DTNA: variants seen among roughly 807,000 people sequenced by gnomAD.
DTNA encodes the protein dystrophin-related protein 3.
A neutral mutation model predicts 100.7 loss-of-function variants in DTNA; 43 were observed. The observed-to-expected ratio is 0.43, with a 90% CI of 0.33 to 0.55. The LOEUF (loss-of-function observed/expected upper bound fraction) is 0.55. Ranked by LOEUF, DTNA falls within the 20% of genes least tolerant of loss-of-function variation. DTNA has a pLI of 0.04. For synonymous variants in DTNA, 349 were observed against 347.9 expected, an observed-to-expected ratio of 1.00 and a Z score of -0.04; for missense variants, 798 against 953.9, an observed-to-expected ratio of 0.84 and a Z score of 2.15.
At chr18:34,616,496 C>T (rs980202354) in intron 1 of DTNA, among the ~76,000 whole-genome samples, 2 of 152,128 alleles carry the variant, frequency 1.3e-5, no homozygotes, top group African/African-American at 4.8e-5. Context: ...CTACTATCCA[C>T]ATCTGTACCA....
intron 17 of DTNA, chr18:34,867,566 T>C (rs1312858938): frequency 2.7e-6 from 3 of 1,097,392 alleles, no homozygotes; most frequent in East Asian, 1.1e-4. Flanking sequence ...CTGTCTCTTA[T>C]TTAGCATGTG....
At chr18:34,826,731 C>T (rs2095866952) in intron 9 of DTNA, among the ~76,000 whole-genome samples, 1 of 152,068 alleles carries the variant, frequency 6.6e-6, no homozygotes, top group African/African-American at 2.4e-5. Flanking sequence ...CTCTAAGTCC[C>T]ATCTCATATT....
intron 11 of DTNA, among the ~76,000 whole-genome samples, chr18:34,837,612 A>C (rs1254431268): frequency 6.6e-6 from 1 of 152,226 alleles, no homozygotes; most frequent in Admixed American, 6.5e-5. Context: ...AGCCAAGATC[A>C]TGTGGCTTTT....
Position 34,756,071 on chromosome 18 carries a change from C to G in DTNA, c.67+28C>G, listed in dbSNP as rs1301236610. Reference sequence around the variant, plus strand: ...AAGTATGGATCTTTTAAGGAACACCCTATAGTTTCCATTGAATACTCATGG... The same window carrying G: ...AAGTATGGATCTTTTAAGGAACACCGTATAGTTTCCATTGAATACTCATGG... On this transcript the variant is annotated intron_variant, in intron 2 of 22. Coordinates refer to ENST00000444659, the MANE Select transcript of DTNA (RefSeq NM_001386795.1). The G allele has an allele frequency of 3.7e-6, 6 of 1,602,380 alleles. No homozygotes were observed. In the South Asian group the frequency reaches 5.5e-5, roughly 15 times the overall value.
At chr18:34,806,139 T>C (rs2095354730) in intron 4 of DTNA, 80 bp from the exon 5 acceptor site, 1 of 1,233,614 alleles carries the variant, frequency 8.1e-7, no homozygotes, top group South Asian at 1.3e-5. Context: ...ATGTCAAACC[T>C]TGTTGCTGGA....
At position 34,628,984 on chromosome 18, in the gene DTNA, A is replaced by C. The variant is rs145409804; in HGVS notation, c.-1-126992A>C. Among the ~76,000 whole-genome samples the C allele has an allele frequency of 7.4e-3, 1,124 of 152,252 alleles. 17 individuals are homozygous for C. Among genetic ancestry groups the C allele is most frequent in the African/African-American group, 0.026 (1,085 of 41,558 alleles). ...ATAAATGATATTATCTCAATCTAAC[A>C]CTGTACCCACATTAACCGTTCTTCT... On this transcript the variant is annotated intron_variant, in intron 1 of 19. Coordinates refer to the DTNA transcript ENST00000283365.
intron 11 of DTNA, among the ~76,000 whole-genome samples, chr18:34,835,838 T>C (rs532705709): frequency 2.0e-5 from 3 of 152,374 alleles, no homozygotes; most frequent in Admixed American, 1.3e-4. Flanking sequence ...ATCTTGCATG[T>C]TCAGCATGAG....
intron 1 of DTNA, among the ~76,000 whole-genome samples, chr18:34,562,911 A>G (rs1328126828): frequency 6.6e-6 from 1 of 152,334 alleles, no homozygotes; most frequent in Non-Finnish European, 1.5e-5. Flanking sequence ...AAATGCAGGG[A>G]AAAACGATGT....
chr18:34,605,049 C>A (rs1403667516), intron 1 of DTNA, among the ~76,000 whole-genome samples: 1 of 151,258 alleles, frequency 6.6e-6, no homozygotes, highest in South Asian at 2.1e-4. Context: ...GATAAGTCTG[C>A]ATACATTATT....
chr18:34,770,216 A>G (rs921390897), intron 3 of DTNA, among the ~76,000 whole-genome samples: 6 of 152,226 alleles, frequency 3.9e-5, no homozygotes, highest in African/African-American at 1.4e-4. Flanking sequence ...AAATCAGTGG[A>G]TCTGAAGTGA....
chr18:34,846,353 A>G (rs1303245887), intron 13 of DTNA, among the ~76,000 whole-genome samples: 1 of 152,206 alleles, frequency 6.6e-6, no homozygotes, highest in Non-Finnish European at 1.5e-5. Context: ...TTAAAAGGCA[A>G]AATAATAATA....
chr18:34,720,750 T>C (rs189949922), intron 1 of DTNA, among the ~76,000 whole-genome samples: 1 of 152,220 alleles, frequency 6.6e-6, no homozygotes, highest in East Asian at 1.9e-4. Context: ...CCACTCTGAT[T>C]CTGTGGTGTG....
At chr18:34,806,820 A>C (rs1171206260) in intron 5 of DTNA, among the ~76,000 whole-genome samples, 1 of 152,232 alleles carries the variant, frequency 6.6e-6, no homozygotes, top group Non-Finnish European at 1.5e-5. Context: ...ATGCCAGTAA[A>C]AGCATGGTAG....
At chr18:34,517,294 A>G (rs2145104902) in intron 1 of DTNA, among the ~76,000 whole-genome samples, 1 of 152,286 alleles carries the variant, frequency 6.6e-6, no homozygotes, top group East Asian at 1.9e-4. Flanking sequence ...TCAGATAATT[A>G]CAGATTCACA....
At chr18:34,598,639 G>A (rs1490669595) in intron 1 of DTNA, among the ~76,000 whole-genome samples, 3 of 152,110 alleles carry the variant, frequency 2.0e-5, no homozygotes, top group Non-Finnish European at 2.9e-5. Context: ...CGAGACGGGT[G>A]GATCACGAGG....
intron 9 of DTNA, 127 bp downstream of exon 9, chr18:34,821,042 T>A (rs2095703269): frequency 3.7e-6 from 5 of 1,351,390 alleles, no homozygotes; most frequent in Non-Finnish European, 5.2e-6. Context: ...AAAAAAAAAG[T>A]CAGAGTAATG....
chr18:34,796,077 C>T (rs2094955710), intron 4 of DTNA, among the ~76,000 whole-genome samples: 1 of 152,224 alleles, frequency 6.6e-6, no homozygotes, highest in South Asian at 2.1e-4. Flanking sequence ...CTGATGTGTA[C>T]TTTCAATAAT....
chr18:34,550,648 C>G (rs2045312070), intron 1 of DTNA, among the ~76,000 whole-genome samples: 1 of 152,056 alleles, frequency 6.6e-6, no homozygotes, highest in Admixed American at 6.6e-5. Context: ...TAAAATTAAT[C>G]TAGTTTTGTT....
chr18:34,530,852 CA>C (rs1415338482), intron 1 of DTNA, among the ~76,000 whole-genome samples: 2 of 152,062 alleles, frequency 1.3e-5, no homozygotes, highest in Non-Finnish European at 1.5e-5. Flanking sequence ...AAGTGTAAAA[CA>C]AAAGTTGTTT....
Sources: allele counts gnomAD v4.1 joint callset (sites outside exome capture counted in the v4.1 genomes callset), GRCh38; gene constraint gnomAD v4.1.1; transcripts MANE v1.5; gene names NCBI Gene and HGNC (gene_info 2026-07-23, HGNC 2026-07-21).